The following CSGALNACT1 variants were observed in gnomAD, a reference collection of about 807,000 sequenced individuals.
CSGALNACT1 encodes beta4GalNAcT-1.
Under a neutral mutation model 51.0 loss-of-function variants are expected in CSGALNACT1, and 52 were observed. The observed-to-expected ratio is 1.02, with a 90% CI of 0.82 to 1.29. CSGALNACT1 has a LOEUF of 1.29. Ranked by LOEUF, CSGALNACT1 falls within the 50% of genes most tolerant of loss-of-function variation. The probability of loss-of-function intolerance (pLI) is 0.00; values close to 1 mark genes in which losing one functional copy is unlikely to be tolerated. For missense variants in CSGALNACT1, 935 were observed against 679.2 expected, an observed-to-expected ratio of 1.38 and a Z score of -4.19; for synonymous variants, 341 against 254.4, an observed-to-expected ratio of 1.34 and a Z score of -3.24.
chr8:19,438,192 G>C (rs775128980), intron 6 of CSGALNACT1, among the ~76,000 whole-genome samples: 2 of 151,978 alleles, frequency 1.3e-5, no homozygotes, highest in African/African-American at 2.4e-5. Context: ...GGCCGGGGCG[G>C]GGGTCGGGGG....
chr8:19,543,757 A>T (rs750681483), intron 3 of CSGALNACT1, among the ~76,000 whole-genome samples: 17 of 152,312 alleles, frequency 1.1e-4, no homozygotes, highest in African/African-American at 4.1e-4. Context: ...CACTGTATGC[A>T]TTCTTGCTAT....
chr8:19,684,773 C>G (rs530008218), upstream of CSGALNACT1, among the ~76,000 whole-genome samples: 19 of 152,272 alleles, frequency 1.2e-4, no homozygotes, highest in African/African-American at 4.6e-4. Flanking sequence ...GGCCAACCAC[C>G]TAAAAAGAGC....
chr8:19,641,951 T>G (rs1282231012), intron 1 of CSGALNACT1: 1 of 152,222 alleles, frequency 6.6e-6, no homozygotes, highest in African/African-American at 2.4e-5. Context: ...CAACCCTTTA[T>G]AGGTGTAAAA....
chr8:19,694,881 CA>C (rs780350181), intron 1 of CSGALNACT1, among the ~76,000 whole-genome samples: 2 of 152,146 alleles, frequency 1.3e-5, no homozygotes, highest in South Asian at 4.1e-4. Flanking sequence ...ATAAGGTCCC[CA>C]AAAGTTTGTT....
At chr8:19,462,143 G>C (rs2065696116) in intron 4 of CSGALNACT1, among the ~76,000 whole-genome samples, 1 of 152,200 alleles carries the variant, frequency 6.6e-6, no homozygotes, top group Non-Finnish European at 1.5e-5. Context: ...ATTCACCAGA[G>C]AGGGCCTAAC....
chr8:19,597,285 CTTTTTTTTTTTTTTTTT>C (rs35177349), intron 2 of CSGALNACT1, among the ~76,000 whole-genome samples: 2 of 64,528 alleles, frequency 3.1e-5, no homozygotes, highest in African/African-American at 1.4e-4. Flanking sequence ...TATCTTCTTT[CTTTTTTTTTTTTTTTTT>C]TTTTTTTTTT....
intron 1 of CSGALNACT1, among the ~76,000 whole-genome samples, chr8:19,700,738 C>A (rs1450826784): frequency 1.3e-5 from 2 of 152,094 alleles, no homozygotes; most frequent in African/African-American, 4.8e-5. Context: ...ACAAATAGAC[C>A]ACCAAAATCT....
chr8:19,546,933 G>T (rs2154077509), intron 3 of CSGALNACT1, among the ~76,000 whole-genome samples: 2 of 152,316 alleles, frequency 1.3e-5, no homozygotes, highest in Middle Eastern at 3.4e-3. Flanking sequence ...CTGTCAAGAT[G>T]CTCTTCGCAG....
At chr8:19,586,845 G>C (rs1023166124) in intron 3 of CSGALNACT1, among the ~76,000 whole-genome samples, 9 of 152,102 alleles carry the variant, frequency 5.9e-5, no homozygotes, top group African/African-American at 1.7e-4. Flanking sequence ...CCTAGGCTCA[G>C]GTACATCGTA....
chr8:19,663,206 G>C (rs2058909214), intron 1 of CSGALNACT1, among the ~76,000 whole-genome samples: 1 of 152,020 alleles, frequency 6.6e-6, no homozygotes, highest in Non-Finnish European at 1.5e-5. Flanking sequence ...TATTAAAAAA[G>C]ATAACTACAC....
At chr8:19,613,994 A>T (rs765223140) in intron 1 of CSGALNACT1, among the ~76,000 whole-genome samples, 8 of 152,224 alleles carry the variant, frequency 5.3e-5, no homozygotes, top group Non-Finnish European at 1.2e-4. Context: ...TTCTACGATC[A>T]AGTGACTCTG....
At chr8:19,704,205 A>T (rs1199708397) in intron 1 of CSGALNACT1, among the ~76,000 whole-genome samples, 1 of 152,210 alleles carries the variant, frequency 6.6e-6, no homozygotes, top group South Asian at 2.1e-4. Context: ...AAAACAAGGC[A>T]CTAAACGAAT....
At chr8:19,596,346 G>A (rs1193663801) in intron 2 of CSGALNACT1, among the ~76,000 whole-genome samples, 2 of 151,978 alleles carry the variant, frequency 1.3e-5, no homozygotes, top group East Asian at 3.9e-4. Context: ...GTGATGAGGG[G>A]GAAAATGAAA....
intron 6 of CSGALNACT1, among the ~76,000 whole-genome samples, chr8:19,428,849 G>GTGTC (rs1321251917): frequency 6.6e-6 from 1 of 150,940 alleles, no homozygotes; most frequent in Non-Finnish European, 1.5e-5. Flanking sequence ...GTGTGTGTGT[G>GTGTC]TGTGTGTGTG....
chr8:19,531,344 G>C (rs1034029055), intron 3 of CSGALNACT1, among the ~76,000 whole-genome samples: 1 of 152,208 alleles, frequency 6.6e-6, no homozygotes, highest in African/African-American at 2.4e-5. Flanking sequence ...AAATGGGATG[G>C]ACGTTAATAT....
intron 9 of CSGALNACT1, among the ~76,000 whole-genome samples, chr8:19,407,143 G>A (rs1359316298): frequency 6.6e-6 from 1 of 152,170 alleles, no homozygotes; most frequent in Admixed American, 6.5e-5. Context: ...TCAGAGACCT[G>A]CATCCTGGGT....
intron 4 of CSGALNACT1, among the ~76,000 whole-genome samples, chr8:19,504,099 C>T (rs11204051): frequency 0.041 from 6,173 of 152,240 alleles, 174 homozygotes; most frequent in South Asian, 0.064. Context: ...TTTTTTGAGA[C>T]GGAGTCTCTC....
chr8:19,532,735 C>T (rs2083009885), intron 3 of CSGALNACT1, among the ~76,000 whole-genome samples: 1 of 152,164 alleles, frequency 6.6e-6, no homozygotes. Context: ...TTCCTCATCA[C>T]AGATACACAT....
chr8:19,419,350 G>A (rs573713643), intron 7 of CSGALNACT1, among the ~76,000 whole-genome samples: 4 of 152,144 alleles, frequency 2.6e-5, no homozygotes, highest in South Asian at 2.1e-4. Context: ...CCCCAGCCCC[G>A]CCAAACATTA....
Sources: gnomAD v4.1 joint callset for allele counts (sites outside exome capture counted in the v4.1 genomes callset) on GRCh38, gnomAD v4.1.1 for gene constraint, MANE v1.5 for transcripts, NCBI Gene and HGNC (gene_info 2026-07-23, HGNC 2026-07-21) for gene names.